Variants in C2CD2 observed in about 807,000 individuals in gnomAD.
The protein encoded by C2CD2 is C2 calcium dependent domain containing 2, also known as C2 domain-containing protein 2.
A neutral mutation model predicts 74.3 loss-of-function variants in C2CD2; 43 were observed. The ratio of observed to expected loss-of-function variants is 0.58; its 90% CI spans 0.45 to 0.75. The LOEUF (loss-of-function observed/expected upper bound fraction) is 0.75. Among genes scored for constraint, C2CD2 ranks in the 30% least tolerant of loss-of-function variants. The pLI, the probability that C2CD2 is intolerant of heterozygous loss-of-function variation, is 0.00. For missense variants in C2CD2, 801 were observed against 916.3 expected, an observed-to-expected ratio of 0.87 and a Z score of 1.63; for synonymous variants, 422 against 390.7, an observed-to-expected ratio of 1.08 and a Z score of -0.94.
intron 1 of C2CD2, among the ~76,000 whole-genome samples, chr21:41,950,501 TC>T (rs1394395186): frequency 2.0e-5 from 3 of 152,194 alleles, no homozygotes; most frequent in African/African-American, 7.2e-5. Context: ...GCAGGAGGAC[TC>T]CTCCGGTGCT....
chr21:41,898,675 A>G (rs1468280044), intron 13 of C2CD2, among the ~76,000 whole-genome samples: 1 of 152,192 alleles, frequency 6.6e-6, no homozygotes, highest in African/African-American at 2.4e-5. Context: ...AAAGATGTCC[A>G]TATCGGCAGT....
chr21:41,926,543 C>G lies in C2CD2; in HGVS notation c.379-4458G>C. The G allele has an allele frequency of 1.3e-6, 1 of 784,446 alleles. No homozygotes were observed. The highest frequency in any genetic ancestry group is 1.5e-6 in the Non-Finnish European group (1 of 646,432). The allele number at this position is 784,446 out of a possible 1,614,324, so 48.6% of individuals were successfully genotyped here. A position where few individuals can be genotyped will look rare whatever the true frequency, so the allele number is the denominator to read the frequency against. ...ACCTTCTCGGTGCTCTCTCCAGCCTCAACACCTTGACCTCATGTAGTCACA... is the reference window on the plus strand; with the variant it reads ...ACCTTCTCGGTGCTCTCTCCAGCCTGAACACCTTGACCTCATGTAGTCACA... On this transcript the variant is annotated intron_variant, in intron 2 of 13. Transcript: ENST00000380486. This position sits in a 1 kb window ranked among gnomAD's most constrained non-coding sequence, Gnocchi z 8.0.
intron 2 of C2CD2, among the ~76,000 whole-genome samples, chr21:41,925,779 T>C (rs2065204572): frequency 6.6e-6 from 1 of 152,210 alleles, no homozygotes; most frequent in African/African-American, 2.4e-5. Flanking sequence ...CAGGATCGCC[T>C]GACACAGGTA....
intron 13 of C2CD2, among the ~76,000 whole-genome samples, chr21:41,890,462 C>A (rs1275539522): frequency 6.6e-6 from 1 of 152,176 alleles, no homozygotes. Context: ...CAAGAGCCCA[C>A]TAATTTGCTT....
chr21:41,904,002 A>G (rs912701062), intron 11 of C2CD2, among the ~76,000 whole-genome samples: 3 of 152,162 alleles, frequency 2.0e-5, no homozygotes, highest in African/African-American at 7.2e-5. Context: ...TGAGGCTGGG[A>G]TCCCCTGGGC....
chr21:41,914,483 C>T (rs933882926), intron 6 of C2CD2, 115 bp downstream of exon 6: 9 of 806,864 alleles, frequency 1.1e-5, no homozygotes, highest in Non-Finnish European at 1.7e-5. Flanking sequence ...GCAGGGCTCC[C>T]GCTGCACCCC....
intron 2 of C2CD2, among the ~76,000 whole-genome samples, chr21:41,930,485 G>A (rs539741646): frequency 1.3e-5 from 2 of 150,234 alleles, no homozygotes; most frequent in Admixed American, 1.3e-4. Flanking sequence ...GGCGGATCAA[G>A]AGGTCAGGAG....
chr21:41,906,553 T>C (rs1223408360), intron 10 of C2CD2, among the ~76,000 whole-genome samples: 1 of 152,082 alleles, frequency 6.6e-6, no homozygotes. Flanking sequence ...TTAGTAGAGA[T>C]GGGGTTTCAC....
rs138153354 is a variant in C2CD2 at position 41,927,306 on chromosome 21, C to T, written c.379-5221G>A. On this transcript the variant is annotated intron_variant, in intron 2 of 13. Coordinates refer to ENST00000380486, the MANE Select transcript of C2CD2 (RefSeq NM_015500.2). ...TTAGCCTCCTAAGTAGCTGGGAATA[C>T]GAGTGTGCAGCACCATGCCCAGCTA... 3.7e-3 allele frequency among the ~76,000 whole-genome samples: 563 copies of T among 152,272 alleles called. 6 individuals carry two copies. Among genetic ancestry groups the T allele is most frequent in the Middle Eastern group, 0.01 (3 of 294 alleles).
rs3746904 is a variant in C2CD2, at chr21:41,907,684, C to T, written c.1119G>A (p.Ser373=). The change falls in exon 9 of 14, where the codon TCG becomes TCA. Residue 373 remains serine (S), a synonymous_variant. Transcript: ENST00000380486. ...TLTSGSACGS[S]VLGSVTAEFS... is the part of the protein sequence containing the mutation. ...CCTCTGCCGTGACCGAGCCCAGCAC[C>T]GAGCTGCCGCAGGCAGACCCGCTGG... 572,256 of 1,611,428 alleles carry T rather than the reference C, an allele frequency of 0.36. 103,266 individuals are homozygous for T. Among genetic ancestry groups the T allele is most frequent in the Admixed American group, 0.49 (29,516 of 59,908 alleles).
At chr21:41,932,700 G>A (rs946782257) in intron 2 of C2CD2, among the ~76,000 whole-genome samples, 5 of 150,644 alleles carry the variant, frequency 3.3e-5, no homozygotes, top group Admixed American at 6.6e-5. Flanking sequence ...CCGCAGCCGC[G>A]GCTGGGCCGG....
chr21:41,931,132 T>C (rs2065257814), intron 2 of C2CD2, among the ~76,000 whole-genome samples: 1 of 150,572 alleles, frequency 6.6e-6, no homozygotes, highest in Non-Finnish European at 1.5e-5. Context: ...TAGAAGAGAA[T>C]GCAGAGAGAG....
intron 2 of C2CD2, among the ~76,000 whole-genome samples, chr21:41,934,790 A>C (rs753732660): frequency 9.2e-5 from 14 of 152,030 alleles, no homozygotes; most frequent in Non-Finnish European, 1.9e-4. Flanking sequence ...GAGGAAGAGA[A>C]AGAACGGAGC....
chr21:41,915,901 C>T (rs186417600), intron 5 of C2CD2, among the ~76,000 whole-genome samples: 6 of 152,272 alleles, frequency 3.9e-5, no homozygotes, highest in East Asian at 3.9e-4. Flanking sequence ...ACGGGCTTCT[C>T]GGAGGTGGCG....
intron 3 of C2CD2, 108 bp downstream of exon 3, chr21:41,921,860 ATAAT>A (rs1402133374): frequency 5.6e-5 from 37 of 665,766 alleles, no homozygotes; most frequent in South Asian, 1.9e-5. Flanking sequence ...GACATGAATG[ATAAT>A]TAATAAAAAC....
At chr21:41,916,510 C>T (rs939854912) in intron 5 of C2CD2, among the ~76,000 whole-genome samples, 1 of 152,092 alleles carries the variant, frequency 6.6e-6, no homozygotes, top group Non-Finnish European at 1.5e-5. Flanking sequence ...GGTCTTGAGC[C>T]CAGTGGCCTT....
At chr21:41,943,015 G>A in intron 1 of C2CD2, 6 of 875,638 alleles carry the variant, frequency 6.9e-6, no homozygotes, top group Non-Finnish European at 8.2e-6. Flanking sequence ...AAATCTCCAA[G>A]CAAAGCCAGG....
In C2CD2 at chr21:41,927,024, A is replaced by C. The variant is rs761343895; in HGVS notation, c.379-4939T>G. ...GTAAATATCCTTTAAGACAGTATGA[A>C]CTGGATATAAAATACTATTTCTACT... On this transcript the variant is annotated intron_variant, in intron 2 of 13. Transcript: ENST00000380486. 3.0e-4 allele frequency among the ~76,000 whole-genome samples: 45 copies of C among 152,228 alleles called. 1 individual carries two copies. The highest frequency in any genetic ancestry group is 1.8e-4 in the Non-Finnish European group (12 of 68,044).
chr21:41,939,633 C>T lies in C2CD2; in HGVS notation c.378+2514G>A, dbSNP rs2065338054. On this transcript the variant is annotated intron_variant, in intron 2 of 13. Coordinates refer to ENST00000380486, the MANE Select transcript of C2CD2 (RefSeq NM_015500.2). The surrounding 1 kb of genome is among the most constrained non-coding windows in gnomAD (Gnocchi z 5.5). ...GCCCTCCCAGCTCTCCAGGCTGTGC[C>T]AGTCTCAGCATCCCGCACCGCTGCC... Among the ~76,000 whole-genome samples the T allele has an allele frequency of 6.6e-6, 1 of 152,240 alleles. No individual in the cohort carries two copies. Among genetic ancestry groups the T allele is most frequent in the African/African-American group, 2.4e-5 (1 of 41,466 alleles).
Sources: gnomAD v4.1 joint callset for allele counts (sites outside exome capture counted in the v4.1 genomes callset) on GRCh38, gnomAD v4.1.1 for gene constraint, Gnocchi (gnomAD v3.1) non-coding constraint, MANE v1.5 for transcripts, NCBI Gene and HGNC (gene_info 2026-07-23, HGNC 2026-07-21) for gene names.